PPP1R16B: variants seen among roughly 807,000 people sequenced by gnomAD.
The protein encoded by PPP1R16B is protein phosphatase 1 regulatory inhibitor subunit 16B.
Under a neutral mutation model 61.7 loss-of-function variants are expected in PPP1R16B, and 14 were observed. That is an observed-to-expected ratio of 0.23 (90% CI 0.15 to 0.35). PPP1R16B has a LOEUF of 0.35. Among genes scored for constraint, PPP1R16B ranks in the 10% least tolerant of loss-of-function variants. The probability of loss-of-function intolerance (pLI) is 1.00; values close to 1 mark genes in which losing one functional copy is unlikely to be tolerated. For synonymous variants in PPP1R16B, 266 were observed against 305.3 expected (o/e 0.87, Z 1.34); for missense variants, 547 against 752.5 (o/e 0.73, Z 3.19).
At chr20:38,896,110 C>G in intron 4 of PPP1R16B, among the ~76,000 whole-genome samples, 1 of 115,664 alleles carries the variant, frequency 8.6e-6, no homozygotes, top group Non-Finnish European at 1.8e-5. Flanking sequence ...TGTCTCCCCT[C>G]CCTTCCTTCT....
chr20:38,888,704 CTT>C lies in PPP1R16B; in HGVS notation c.251-890_251-889del, dbSNP rs2085265503. 3.9e-5 allele frequency among the ~76,000 whole-genome samples: 6 copies of C among 152,204 alleles called. No individual in the cohort carries two copies. In the South Asian group the frequency reaches 1.2e-3, roughly 32 times the overall value. On this transcript the variant is annotated intron_variant, in intron 2 of 10. Transcript: ENST00000299824. ...GCAGGGCTGGTGGGTGAGCTCCTCT[CTT>C]CTCTCCCTTTGCACGTGGGTTCAGG...
At chr20:38,854,191 C>T (rs757932933) in intron 2 of PPP1R16B, among the ~76,000 whole-genome samples, 4 of 152,348 alleles carry the variant, frequency 2.6e-5, no homozygotes, top group Non-Finnish European at 4.4e-5. Flanking sequence ...GTGGACCAAA[C>T]ACTGCCTCTC....
At chr20:38,900,541 C>A (rs1446492826) in intron 4 of PPP1R16B, 40 bp from the exon 5 acceptor site, 2 of 1,551,972 alleles carry the variant, frequency 1.3e-6, no homozygotes, top group South Asian at 2.3e-5. Flanking sequence ...CCAACCCTAG[C>A]CACACCTACT....
intron 5 of PPP1R16B, 94 bp downstream of exon 5, chr20:38,900,778 C>A: frequency 2.2e-6 from 2 of 907,494 alleles, no homozygotes; most frequent in Admixed American, 3.6e-5. Context: ...AGCTACGCAT[C>A]GGCCTGCCTC....
chr20:38,903,595 A>ATCAT (rs1280682305), intron 6 of PPP1R16B, among the ~76,000 whole-genome samples: 3 of 151,604 alleles, frequency 2.0e-5, no homozygotes, highest in Non-Finnish European at 4.4e-5. Flanking sequence ...CCATCCATCC[A>ATCAT]TCCATCCATC....
chr20:38,852,048 G>T (rs190690262), intron 2 of PPP1R16B, among the ~76,000 whole-genome samples: 19 of 152,248 alleles, frequency 1.2e-4, no homozygotes, highest in East Asian at 3.9e-4. Context: ...GGGACGGCGG[G>T]GGGGGAAGGC....
intron 10 of PPP1R16B, among the ~76,000 whole-genome samples, chr20:38,908,789 C>G (rs1601312444): frequency 6.6e-6 from 1 of 152,150 alleles, no homozygotes; most frequent in Admixed American, 6.5e-5. Context: ...AATTTATTCT[C>G]TCTCAGTTCT....
At position 38,906,890 on chromosome 20, in the gene PPP1R16B, C is replaced by G. The variant is rs1435789701; in HGVS notation, c.823-89C>G. 3.7e-6 allele frequency: 4 copies of G among 1,089,988 alleles called. No individual in the cohort carries two copies. The Admixed American group carries it at 7.2e-5, about 20-fold the overall frequency. 67.5% of individuals were successfully genotyped at this position (1,089,988 alleles called of 1,614,324 possible). A position where few individuals can be genotyped will look rare whatever the true frequency, so the allele number is the denominator to read the frequency against. ...CTTTGTCCCACCATTCTTTGGGTCA[C>G]ATCCTAAGAGGCCTTGGGCACTCTC... On this transcript the variant is annotated intron_variant, in intron 7 of 10. Transcript: ENST00000299824.
intron 3 of PPP1R16B, among the ~76,000 whole-genome samples, chr20:38,890,446 G>A (rs2085284000): frequency 6.6e-6 from 1 of 152,166 alleles, no homozygotes; most frequent in Non-Finnish European, 1.5e-5. Flanking sequence ...TGTACCCAGT[G>A]GGCTCCTCCC....
intron 2 of PPP1R16B, among the ~76,000 whole-genome samples, chr20:38,843,358 G>A (rs143340392): frequency 7.9e-5 from 12 of 152,346 alleles, no homozygotes; most frequent in African/African-American, 2.6e-4. Context: ...GGTGGTTCTC[G>A]TTCAGGATAT....
chr20:38,860,391 T>G (rs2085040538), intron 2 of PPP1R16B, among the ~76,000 whole-genome samples: 1 of 152,224 alleles, frequency 6.6e-6, no homozygotes, highest in African/African-American at 2.4e-5. Context: ...TGTGAGCCAC[T>G]GTGCCTGGCC....
At chr20:38,880,171 T>C (rs373826158) in intron 2 of PPP1R16B, among the ~76,000 whole-genome samples, 1 of 152,318 alleles carries the variant, frequency 6.6e-6, no homozygotes, top group East Asian at 1.9e-4. Flanking sequence ...TCCAGAACTT[T>C]AGTGTCGTAA....
At chr20:38,856,039 A>G (rs1474245337) in intron 2 of PPP1R16B, among the ~76,000 whole-genome samples, 2 of 145,420 alleles carry the variant, frequency 1.4e-5, no homozygotes, top group African/African-American at 5.2e-5. Flanking sequence ...GATTCCCTTG[A>G]TGGTTCCAAA....
At position 38,806,864 on chromosome 20, in the gene PPP1R16B, G is replaced by A. The variant is rs758041778; in HGVS notation, c.-102+1072G>A. Among the ~76,000 whole-genome samples, 1 of 152,182 alleles carries A rather than the reference G, an allele frequency of 6.6e-6. No homozygotes were observed. The highest frequency in any genetic ancestry group is 2.4e-5 in the African/African-American group (1 of 41,460). On this transcript the variant is annotated intron_variant, in intron 1 of 10. Transcript: ENST00000299824. This position sits in a 1 kb window ranked among gnomAD's most constrained non-coding sequence, Gnocchi z 4.5. ...CTGCCGCGCGCCAGGCCTGGGTCCC[G>A]GTGCTCCCGGGCACCTCAGGAGCGG...
chr20:38,883,834 T>G (rs2145754840), intron 2 of PPP1R16B, among the ~76,000 whole-genome samples: 1 of 152,328 alleles, frequency 6.6e-6, no homozygotes, highest in Middle Eastern at 3.4e-3. Context: ...GCCAGGGCCT[T>G]GTCTTCCTTA....
intron 1 of PPP1R16B, among the ~76,000 whole-genome samples, chr20:38,816,925 A>C (rs2084739546): frequency 1.3e-5 from 2 of 152,176 alleles, no homozygotes; most frequent in Admixed American, 1.3e-4. Flanking sequence ...TGTTTTGCCC[A>C]GTTTGATGTT....
intron 2 of PPP1R16B, among the ~76,000 whole-genome samples, chr20:38,871,354 T>C (rs1433031942): frequency 6.6e-6 from 1 of 152,094 alleles, no homozygotes; most frequent in Non-Finnish European, 1.5e-5. Context: ...TATGGGGAAT[T>C]CAATAGGAGG....
In PPP1R16B at chr20:38,836,180, G is replaced by A. The variant is rs1277585004; in HGVS notation, c.250+5G>A. 1 of 1,604,860 alleles carries A rather than the reference G, an allele frequency of 6.2e-7. No homozygotes were observed. On this transcript the variant is annotated splice_donor_5th_base_variant and intron_variant, in intron 2 of 10. Transcript: ENST00000299824. ...TGAGGAACGACGCCGAGGAAGGTAGGCCCCTCTGTGCCTTGGCGGCCACGC... is the reference window on the plus strand; with the variant it reads ...TGAGGAACGACGCCGAGGAAGGTAGACCCCTCTGTGCCTTGGCGGCCACGC...
chr20:38,916,048 G>A (rs2085535473), intron 10 of PPP1R16B, among the ~76,000 whole-genome samples: 1 of 148,380 alleles, frequency 6.7e-6, no homozygotes. Flanking sequence ...CAGTCTGCCT[G>A]CATAGTTCAG....
Sources: allele counts gnomAD v4.1 joint callset (sites outside exome capture counted in the v4.1 genomes callset), GRCh38; gene constraint gnomAD v4.1.1; non-coding constraint Gnocchi (gnomAD v3.1); transcripts MANE v1.5; gene names NCBI Gene and HGNC (gene_info 2026-07-23, HGNC 2026-07-21).